The following HPSE2 variants were observed in gnomAD, a reference collection of about 807,000 sequenced individuals.
The protein encoded by HPSE2 is inactive heparanase-2.
A neutral mutation model predicts 60.5 loss-of-function variants in HPSE2; 38 were observed. The observed-to-expected ratio is 0.63, with a 90% confidence interval of 0.48 to 0.82. The LOEUF (loss-of-function observed/expected upper bound fraction) is 0.82, where lower values mean the gene tolerates loss of function less well. Among genes scored for constraint, HPSE2 ranks in the 40% least tolerant of loss-of-function variants. The probability of loss-of-function intolerance (pLI) is 0.00; values close to 1 mark genes in which losing one functional copy is unlikely to be tolerated. For synonymous variants in HPSE2, 295 were observed against 293.2 expected, an observed-to-expected ratio of 1.01 and a Z score of -0.06; for missense variants, 713 against 740.4, an observed-to-expected ratio of 0.96 and a Z score of 0.43.
chr10:98,558,990 C>T (rs773306125), intron 9 of HPSE2, among the ~76,000 whole-genome samples: 1 of 152,126 alleles, frequency 6.6e-6, no homozygotes, highest in Non-Finnish European at 1.5e-5. Flanking sequence ...TTCTAGGCAT[C>T]TGAGTTTGTG....
At chr10:98,739,583 G>A (rs1416589516) in intron 4 of HPSE2, among the ~76,000 whole-genome samples, 1 of 152,136 alleles carries the variant, frequency 6.6e-6, no homozygotes, top group African/African-American at 2.4e-5. Context: ...AGAATCATAA[G>A]AATCATCATC....
At chr10:98,827,258 T>C (rs1282614023) in intron 3 of HPSE2, among the ~76,000 whole-genome samples, 3 of 152,100 alleles carry the variant, frequency 2.0e-5, no homozygotes, top group African/African-American at 7.2e-5. Flanking sequence ...CAGGCTGGAG[T>C]GCAGTGGCAC....
At chr10:98,927,795 C>A (rs1954519203) in intron 3 of HPSE2, among the ~76,000 whole-genome samples, 1 of 148,644 alleles carries the variant, frequency 6.7e-6, no homozygotes, top group Non-Finnish European at 1.5e-5. Context: ...ATGTAGAAAG[C>A]TGAAACTGGA....
chr10:98,841,808 ATTT>A (rs373906376), intron 3 of HPSE2, among the ~76,000 whole-genome samples: 1 of 143,256 alleles, frequency 7.0e-6, no homozygotes. Flanking sequence ...ATTCCTTGTA[ATTT>A]TTTTTTTTTT....
At chr10:98,646,377 C>T (rs983439648) in intron 6 of HPSE2, among the ~76,000 whole-genome samples, 1 of 150,548 alleles carries the variant, frequency 6.6e-6, no homozygotes, top group Non-Finnish European at 1.5e-5. Context: ...CCTAGACTGA[C>T]ACTTTTAGGT....
intron 6 of HPSE2, among the ~76,000 whole-genome samples, chr10:98,666,494 G>A (rs1464490277): frequency 6.6e-6 from 1 of 152,088 alleles, no homozygotes; most frequent in African/African-American, 2.4e-5. Flanking sequence ...TTTCTCATCT[G>A]CTCATGGAAC....
At chr10:98,920,420 G>A (rs538335510) in intron 3 of HPSE2, among the ~76,000 whole-genome samples, 2 of 152,178 alleles carry the variant, frequency 1.3e-5, no homozygotes, top group South Asian at 2.1e-4. Flanking sequence ...GTGTCTAACT[G>A]CATCTTGGTG....
At chr10:98,554,411 T>C (rs188353168) in intron 9 of HPSE2, among the ~76,000 whole-genome samples, 29 of 152,208 alleles carry the variant, frequency 1.9e-4, no homozygotes, top group Non-Finnish European at 3.5e-4. Flanking sequence ...AAAATAACTG[T>C]CTGTTTCTCT....
chr10:98,829,419 G>T (rs1353525537), intron 3 of HPSE2, among the ~76,000 whole-genome samples: 1 of 151,890 alleles, frequency 6.6e-6, no homozygotes, highest in Non-Finnish European at 1.5e-5. Flanking sequence ...GCCTCAGGAG[G>T]CTAAGGCAGA....
intron 6 of HPSE2, among the ~76,000 whole-genome samples, chr10:98,644,191 A>T (rs922097519): frequency 6.6e-6 from 1 of 152,216 alleles, no homozygotes; most frequent in African/African-American, 2.4e-5. Context: ...TGGGTTTTAA[A>T]AAACCCAAAT....
the HPSE2 span, among the ~76,000 whole-genome samples, chr10:99,254,055 G>A: frequency 3.9e-5 from 6 of 152,082 alleles, no homozygotes; most frequent in African/African-American, 7.2e-5. Context: ...CAGCAATCTC[G>A]TTACTGGGTA....
At chr10:98,764,692 TA>T (rs965835779) in intron 3 of HPSE2, among the ~76,000 whole-genome samples, 1 of 151,876 alleles carries the variant, frequency 6.6e-6, no homozygotes, top group East Asian at 1.9e-4. Context: ...TGTCTTCTAC[TA>T]AAAAAACACA....
At chr10:98,597,780 G>A (rs1434152428) in intron 9 of HPSE2, among the ~76,000 whole-genome samples, 1 of 151,794 alleles carries the variant, frequency 6.6e-6, no homozygotes, top group African/African-American at 2.4e-5. Flanking sequence ...AGACCAGCTT[G>A]GCCAATATGG....
At chr10:99,164,344 G>A (rs1564859091) in intron 2 of HPSE2, among the ~76,000 whole-genome samples, 1 of 142,376 alleles carries the variant, frequency 7.0e-6, no homozygotes, top group Non-Finnish European at 1.5e-5. Flanking sequence ...AACTGTTCCA[G>A]CTTTGGCTAA....
the HPSE2 span, among the ~76,000 whole-genome samples, chr10:99,272,737 G>C: frequency 6.6e-6 from 1 of 152,104 alleles, no homozygotes; most frequent in Non-Finnish European, 1.5e-5. Flanking sequence ...CCTTACTCCT[G>C]CAAGTGTGGG....
intron 11 of HPSE2, among the ~76,000 whole-genome samples, chr10:98,479,702 T>G (rs1941160359): frequency 6.6e-6 from 1 of 152,202 alleles, no homozygotes; most frequent in South Asian, 2.1e-4. Context: ...GCCCAACATT[T>G]CACAGTGAAT....
intron 3 of HPSE2, among the ~76,000 whole-genome samples, chr10:98,748,384 A>G (rs1288611698): frequency 1.3e-5 from 2 of 152,216 alleles, no homozygotes; most frequent in Non-Finnish European, 2.9e-5. Flanking sequence ...AATATAGAGA[A>G]TTTAGTAGAT....
intron 3 of HPSE2, among the ~76,000 whole-genome samples, chr10:99,012,452 C>T (rs538661172): frequency 1.8e-4 from 27 of 151,570 alleles, no homozygotes; most frequent in African/African-American, 5.8e-4. Flanking sequence ...TAACAAGCAG[C>T]TCAATGATTT....
At chr10:99,107,572 T>C (rs987999441) in intron 3 of HPSE2, among the ~76,000 whole-genome samples, 1 of 152,216 alleles carries the variant, frequency 6.6e-6, no homozygotes, top group African/African-American at 2.4e-5. Flanking sequence ...TTATTTTGCA[T>C]TTATTTTTAG....
Sources: gnomAD v4.1 joint callset for allele counts (sites outside exome capture counted in the v4.1 genomes callset) on GRCh38, gnomAD v4.1.1 for gene constraint, MANE v1.5 for transcripts, NCBI Gene and HGNC (gene_info 2026-07-23, HGNC 2026-07-21) for gene names.